AKAP7: variants seen among roughly 807,000 people sequenced by gnomAD.
AKAP7 encodes the protein A kinase (PRKA) anchor protein 7.
AKAP7 carries 39 observed loss-of-function variants against 39.5 expected under a neutral mutation model. The ratio of observed to expected loss-of-function variants is 0.99; its 90% CI spans 0.76 to 1.29. The LOEUF is 1.29. Ranked by LOEUF, AKAP7 falls within the 50% of genes most tolerant of loss-of-function variation. The probability of loss-of-function intolerance (pLI) is 0.00; values close to 1 mark genes in which losing one functional copy is unlikely to be tolerated. For synonymous variants in AKAP7, 140 were observed against 139.1 expected, an observed-to-expected ratio of 1.01 and a Z score of -0.05; for missense variants, 414 against 407.7, an observed-to-expected ratio of 1.02 and a Z score of -0.13.
At chr6:131,231,703 A>G (rs529920708) in intron 7 of AKAP7, among the ~76,000 whole-genome samples, 6 of 152,304 alleles carry the variant, frequency 3.9e-5, no homozygotes, top group African/African-American at 1.4e-4. Flanking sequence ...CTGGGATAAA[A>G]GAAGAAAACC....
intron 1 of AKAP7, 91 bp downstream of exon 1, chr6:131,135,873 G>A: frequency 2.5e-6 from 3 of 1,191,254 alleles, no homozygotes; most frequent in Non-Finnish European, 3.1e-6. Context: ...GGGAGGGCCT[G>A]ACCCGCGCCG....
At chr6:131,182,682 A>G (rs1471197067) in intron 5 of AKAP7, among the ~76,000 whole-genome samples, 1 of 152,200 alleles carries the variant, frequency 6.6e-6, no homozygotes, top group African/African-American at 2.4e-5. Flanking sequence ...TTGCTAAATC[A>G]TATGGTAGTT....
chr6:131,250,711 G>A, intron 7 of AKAP7: 1 of 1,236,392 alleles, frequency 8.1e-7, no homozygotes, highest in Non-Finnish European at 1.2e-6. Context: ...TAATGGGAAG[G>A]ATAGCAGACT....
chr6:131,158,812 A>G (rs2128236884), intron 2 of AKAP7, among the ~76,000 whole-genome samples: 1 of 151,582 alleles, frequency 6.6e-6, no homozygotes, highest in Non-Finnish European at 1.5e-5. Context: ...CTGCAGGGGA[A>G]CTGTATTTTG....
At chr6:131,253,024 T>G (rs748463205) in intron 7 of AKAP7, 5 of 1,612,944 alleles carry the variant, frequency 3.1e-6, no homozygotes, top group Non-Finnish European at 4.2e-6. Context: ...TGGGTGTTAT[T>G]CTCAAAACAC....
intron 7 of AKAP7, among the ~76,000 whole-genome samples, chr6:131,267,625 GA>G: frequency 6.6e-6 from 1 of 152,256 alleles, no homozygotes; most frequent in East Asian, 1.9e-4. Context: ...TACTTAACCA[GA>G]GCAAGTTTTG....
chr6:131,221,761 C>T (rs1354469511), intron 7 of AKAP7, among the ~76,000 whole-genome samples: 1 of 152,136 alleles, frequency 6.6e-6, no homozygotes, highest in East Asian at 1.9e-4. Flanking sequence ...GATGACAGCA[C>T]ATCTGTTAAT....
chr6:131,183,163 CT>C lies in AKAP7; in HGVS notation c.589+13892del, dbSNP rs80088264. 2.6e-3 allele frequency among the ~76,000 whole-genome samples: 402 copies of C among 152,262 alleles called. 4 individuals carry two copies. Among genetic ancestry groups the C allele is most frequent in the Admixed American group, 0.018 (273 of 15,292 alleles). ...ACTAACGAAAGGAAAAAAAAGACAA[CT>C]TCAAAGTGACAGTGAGTTAGGGCCT... On this transcript the variant is annotated intron_variant, in intron 5 of 7. Transcript: ENST00000431975.
At chr6:131,217,989 G>A (rs1809339565) in intron 6 of AKAP7, among the ~76,000 whole-genome samples, 1 of 152,062 alleles carries the variant, frequency 6.6e-6, no homozygotes. Flanking sequence ...TTCTTGAAAT[G>A]TTATCTCGAA....
chr6:131,199,827 C>T (rs1807344704), intron 6 of AKAP7, among the ~76,000 whole-genome samples: 3 of 152,252 alleles, frequency 2.0e-5, no homozygotes, highest in South Asian at 4.1e-4. Context: ...ACCACTGTTG[C>T]CTCACCTGCT....
At chr6:131,192,543 T>A (rs1439976904) in intron 5 of AKAP7, among the ~76,000 whole-genome samples, 1 of 152,218 alleles carries the variant, frequency 6.6e-6, no homozygotes, top group Non-Finnish European at 1.5e-5. Flanking sequence ...CTTTGTTCTC[T>A]CAGGATAATT....
At chr6:131,240,965 C>A (rs1811503820) in intron 7 of AKAP7, among the ~76,000 whole-genome samples, 1 of 152,164 alleles carries the variant, frequency 6.6e-6, no homozygotes, top group South Asian at 2.1e-4. Flanking sequence ...TGAGATGAAC[C>A]CAGTTCCTCA....
At chr6:131,139,092 C>T (rs1010503085) in intron 1 of AKAP7, among the ~76,000 whole-genome samples, 1 of 152,106 alleles carries the variant, frequency 6.6e-6, no homozygotes. Context: ...ATATTTATAC[C>T]TTCTATAAGA....
chr6:131,219,780 T>G lies in AKAP7; in HGVS notation c.822T>G (p.Tyr274Ter), dbSNP rs762271442. 1 of 1,584,868 alleles carries G rather than the reference T, an allele frequency of 6.3e-7. No homozygotes were observed. Among genetic ancestry groups the G allele is most frequent in the Non-Finnish European group, 8.6e-7 (1 of 1,167,450 alleles). Reference protein sequence around the residue: ...SMLKKKQSNGYYHCESSIVIG... With the variant: ...SMLKKKQSNG ...TGAAGAAAAAACAAAGTAATGGTTA[T>G]TATCACTGTGAATCTTCCATTGTGA... Residue 274 changes from tyrosine (Y) to a stop codon, truncating the protein, a stop_gained, in exon 7 of 8, where the codon TAT (tyrosine) becomes TAG (stop). Coordinates refer to ENST00000431975, the MANE Select transcript of AKAP7 (RefSeq NM_016377.4). LOFTEE classifies it high-confidence loss of function.
rs114635282 is a variant in AKAP7 at position 131,207,130 on chromosome 6, C to T, written c.702+7557C>T. On this transcript the variant is annotated intron_variant, in intron 6 of 7. Coordinates refer to ENST00000431975, the MANE Select transcript of AKAP7 (RefSeq NM_016377.4). The stretch of plus-strand genomic sequence containing the variant: ...AGTTTGACCAAATTGCTTAATTTGG[C>T]TTCACACAGTTATATATATTTTTAA... Among the ~76,000 whole-genome samples the T allele has an allele frequency of 7.4e-3, 1,130 of 152,220 alleles. 11 individuals carry two copies. The highest frequency in any genetic ancestry group is 0.026 in the African/African-American group (1,088 of 41,534).
rs559529179 is a variant in AKAP7, at chr6:131,169,097, T to C, written c.429-16T>C. 1.7e-5 allele frequency: 27 copies of C among 1,584,202 alleles called. 1 individual carries two copies. The South Asian group carries it at 3.0e-4, about 18-fold the overall frequency. On this transcript the variant is annotated splice_polypyrimidine_tract_variant and intron_variant, in intron 4 of 7. Transcript: ENST00000431975. The stretch of plus-strand genomic sequence containing the variant: ...TTACTTAATGTGTTACTGAAAAATG[T>C]ATTATTTCTTACTAGTGGTATTGAT...
chr6:131,156,020 G>A (rs1036206767), intron 2 of AKAP7, among the ~76,000 whole-genome samples: 1 of 152,186 alleles, frequency 6.6e-6, no homozygotes, highest in Admixed American at 6.5e-5. Flanking sequence ...GATGCTTGTT[G>A]GAAATCTAGT....
At chr6:131,160,031 G>T in intron 2 of AKAP7, 28 bp from the exon 3 acceptor site, 1 of 1,549,710 alleles carries the variant, frequency 6.5e-7, no homozygotes, top group Non-Finnish European at 8.7e-7. Context: ...AAATGTATTA[G>T]ACGTATTGTT....
chr6:131,203,199 G>A (rs913976475), intron 6 of AKAP7, among the ~76,000 whole-genome samples: 3 of 152,094 alleles, frequency 2.0e-5, no homozygotes, highest in Admixed American at 2.0e-4. Flanking sequence ...ACTATAATTC[G>A]TGGTTTGGTA....
Sources: gnomAD v4.1 joint callset for allele counts (sites outside exome capture counted in the v4.1 genomes callset) on GRCh38, gnomAD v4.1.1 for gene constraint, MANE v1.5 for transcripts, NCBI Gene and HGNC (gene_info 2026-07-23, HGNC 2026-07-21) for gene names.